Variants in PDE4B observed in about 807,000 individuals in gnomAD.
PDE4B encodes the protein phosphodiesterase 4B, also known as 3',5'-cyclic-AMP phosphodiesterase 4B.
PDE4B carries 20 observed loss-of-function variants against 82.2 expected under a neutral mutation model. The observed-to-expected ratio is 0.24, with a 90% CI of 0.17 to 0.35. The LOEUF (loss-of-function observed/expected upper bound fraction) is 0.35. PDE4B is among the 10% of genes least tolerant of loss of function. PDE4B has a pLI of 1.00. For synonymous variants in PDE4B, 320 were observed against 318.9 expected (o/e 1.00, Z -0.04); for missense variants, 655 against 907.2 (o/e 0.72, Z 3.57).
At chr1:66,198,731 G>A (rs1262743137) in intron 3 of PDE4B, among the ~76,000 whole-genome samples, 4 of 152,046 alleles carry the variant, frequency 2.6e-5, no homozygotes, top group Non-Finnish European at 4.4e-5. Context: ...TTTAGAATTA[G>A]GTATATCTCC....
At chr1:66,247,074 G>A (rs1653371487) in intron 3 of PDE4B, among the ~76,000 whole-genome samples, 1 of 152,138 alleles carries the variant, frequency 6.6e-6, no homozygotes, top group South Asian at 2.1e-4. Context: ...CTGACACCTA[G>A]AGCTGTGCTG....
intron 4 of PDE4B, among the ~76,000 whole-genome samples, chr1:66,251,833 G>A (rs558270333): frequency 6.6e-6 from 1 of 152,162 alleles, no homozygotes; most frequent in African/African-American, 2.4e-5. Context: ...CTGGAAAAGT[G>A]AGCAGGAACC....
intron 3 of PDE4B, among the ~76,000 whole-genome samples, chr1:66,177,424 G>A (rs1646952843): frequency 6.6e-6 from 1 of 152,232 alleles, no homozygotes; most frequent in Non-Finnish European, 1.5e-5. Flanking sequence ...AGTTGTAACT[G>A]TGTGACTTGG....
At chr1:66,354,618 T>A in intron 8 of PDE4B, 2 of 1,356,380 alleles carry the variant, frequency 1.5e-6, no homozygotes, top group South Asian at 3.5e-5. Flanking sequence ...TACTCTCTTC[T>A]GCCAGGAAAT....
At chr1:66,268,256 TGCAATTTATTTTAAAA>T (rs1655196018) in intron 7 of PDE4B, among the ~76,000 whole-genome samples, 1 of 152,126 alleles carries the variant, frequency 6.6e-6, no homozygotes, top group Non-Finnish European at 1.5e-5. Flanking sequence ...TGAGAAAAAA[TGCAATTTATTTTAAAA>T]GCTAATTGTC....
At chr1:66,345,846 C>T (rs72926391) in intron 8 of PDE4B, among the ~76,000 whole-genome samples, 5,906 of 152,254 alleles carry the variant, frequency 0.039, 403 homozygotes, top group African/African-American at 0.13. Flanking sequence ...AAGCTTATTC[C>T]TACCCTTCTC....
intron 3 of PDE4B, among the ~76,000 whole-genome samples, chr1:66,113,387 A>C (rs1645528097): frequency 6.6e-6 from 1 of 152,240 alleles, no homozygotes; most frequent in African/African-American, 2.4e-5. Flanking sequence ...GGTTTCATCA[A>C]GACAAGTGAG....
At chr1:66,084,849 C>A (rs1442992367) in intron 3 of PDE4B, among the ~76,000 whole-genome samples, 1 of 152,128 alleles carries the variant, frequency 6.6e-6, no homozygotes, top group African/African-American at 2.4e-5. Context: ...GAGTCCCAAG[C>A]ATTGGGCTGA....
At chr1:65,867,750 T>G (rs1646527626) in intron 1 of PDE4B, among the ~76,000 whole-genome samples, 1 of 152,236 alleles carries the variant, frequency 6.6e-6, no homozygotes, top group Non-Finnish European at 1.5e-5. Flanking sequence ...ACATCATTGT[T>G]CAGAAGGTTA....
At chr1:65,825,669 A>T (rs1646005463) in intron 1 of PDE4B, among the ~76,000 whole-genome samples, 1 of 151,856 alleles carries the variant, frequency 6.6e-6, no homozygotes, top group African/African-American at 2.4e-5. Flanking sequence ...AACATGGACA[A>T]ACCCCATCTC....
intron 7 of PDE4B, among the ~76,000 whole-genome samples, chr1:66,298,834 G>C (rs1657691272): frequency 6.6e-6 from 1 of 152,104 alleles, no homozygotes; most frequent in Admixed American, 6.6e-5. Context: ...ACTGTAACCT[G>C]AAATGTCTTT....
intron 3 of PDE4B, among the ~76,000 whole-genome samples, chr1:66,154,394 T>C (rs1646461105): frequency 1.3e-5 from 2 of 152,062 alleles, no homozygotes; most frequent in Admixed American, 1.3e-4. Context: ...GAATGACCCA[T>C]GAGCATATGT....
chr1:65,822,803 CCAGTGT>C (rs1260509373), intron 1 of PDE4B, among the ~76,000 whole-genome samples: 1 of 152,078 alleles, frequency 6.6e-6, no homozygotes, highest in African/African-American at 2.4e-5. Flanking sequence ...ACTGAACCTG[CCAGTGT>C]CTTGATCTTG....
chr1:65,957,369 T>C (rs991699452), intron 3 of PDE4B, among the ~76,000 whole-genome samples: 2 of 152,130 alleles, frequency 1.3e-5, no homozygotes, highest in Admixed American at 1.3e-4. Context: ...TCCAATGCCA[T>C]GTCTGTTACA....
At position 66,004,303 on chromosome 1, in the gene PDE4B, A is replaced by G. The variant is rs147795272; in HGVS notation, c.281+85468A>G. Among the ~76,000 whole-genome samples, 9 of 152,204 alleles carry G rather than the reference A, an allele frequency of 5.9e-5. No homozygotes were observed. In the East Asian group the frequency reaches 1.7e-3, roughly 29 times the overall value. ...TAAACTACTTAAAGATCTTTATAAC[A>G]TGGTTTAATTAAATCAGTTTCATTG... On this transcript the variant is annotated intron_variant, in intron 3 of 16. Coordinates refer to ENST00000341517, the MANE Select transcript of PDE4B (RefSeq NM_002600.4).
In PDE4B at chr1:66,372,479, G is replaced by T. The variant is rs759766041; in HGVS notation, c.2012G>T (p.Cys671Phe). 5 of 1,614,098 alleles carry T rather than the reference G, an allele frequency of 3.1e-6. No homozygotes were observed. The Admixed American group carries it at 5.0e-5, about 16-fold the overall frequency. ...CCACTGGACGAGCAGAACAGGGACT[G>T]CCAGGGTCTGATGGAGAAGTTTCAG... Reference protein sequence around the residue: ...SPPLDEQNRDCQGLMEKFQFE... With the variant: ...SPPLDEQNRDFQGLMEKFQFE... The change falls in exon 17 of 17, where the codon TGC becomes TTC. Residue 671 changes from cysteine to phenylalanine, a missense_variant. Physicochemically the swap from Cys to Phe is radical, Grantham distance 205. Around this residue, in one of 3 missense-constraint regions of PDE4B, gnomAD observed 119 missense variants for 115.2 expected, o/e 1.03. Coordinates refer to ENST00000341517, the MANE Select transcript of PDE4B (RefSeq NM_002600.4).
upstream of PDE4B, chr1:65,792,655 G>C (rs1437028008): frequency 6.6e-6 from 1 of 152,268 alleles, no homozygotes; most frequent in Non-Finnish European, 1.5e-5. Context: ...AAATAACCTG[G>C]GAGGGCAATC....
At chr1:66,328,422 T>C (rs771356981) in intron 7 of PDE4B, among the ~76,000 whole-genome samples, 75 of 152,226 alleles carry the variant, frequency 4.9e-4, no homozygotes, top group Non-Finnish European at 7.9e-4. Flanking sequence ...GGCCATCTTA[T>C]GTAAGACAGG....
chr1:65,943,693 A>G (rs141625659), intron 3 of PDE4B, among the ~76,000 whole-genome samples: 9 of 152,000 alleles, frequency 5.9e-5, no homozygotes, highest in African/African-American at 2.2e-4. Context: ...ACAGTTTTCA[A>G]TGTGCAGGTC....
Sources: gnomAD v4.1 joint callset for allele counts (sites outside exome capture counted in the v4.1 genomes callset) on GRCh38, gnomAD v4.1.1 for gene constraint, gnomAD v4.1.1 regional missense constraint, MANE v1.5 for transcripts, NCBI Gene and HGNC (gene_info 2026-07-23, HGNC 2026-07-21) for gene names.